ARRB1: variants seen among roughly 807,000 people sequenced by gnomAD.
The protein encoded by ARRB1 is beta-arrestin-1.
In ARRB1, 21 loss-of-function variants were observed where a neutral mutation model predicts 56.8. The ratio of observed to expected loss-of-function variants is 0.37; its 90% CI spans 0.26 to 0.53. The LOEUF (loss-of-function observed/expected upper bound fraction) is 0.53. Ranked by LOEUF, ARRB1 falls within the 20% of genes least tolerant of loss-of-function variation. ARRB1 has a pLI of 0.88. For missense variants in ARRB1, 424 were observed against 553.7 expected (o/e 0.77, Z 2.35); for synonymous variants, 210 against 218.6 (o/e 0.96, Z 0.35).
intron 1 of ARRB1, among the ~76,000 whole-genome samples, chr11:75,324,921 C>A (rs1478364377): frequency 6.6e-6 from 1 of 151,872 alleles, no homozygotes; most frequent in Non-Finnish European, 1.5e-5. Flanking sequence ...GGGAAGCCAG[C>A]ACATGGGGAC....
chr11:75,311,440 G>A (rs1947155659), intron 1 of ARRB1, among the ~76,000 whole-genome samples: 1 of 152,246 alleles, frequency 6.6e-6, no homozygotes, highest in South Asian at 2.1e-4. Context: ...GAAAGTTGCA[G>A]AGAGCAGGTG....
intron 1 of ARRB1, among the ~76,000 whole-genome samples, chr11:75,313,077 G>T (rs1344683654): frequency 6.6e-6 from 1 of 152,196 alleles, no homozygotes; most frequent in Non-Finnish European, 1.5e-5. Flanking sequence ...CTCAGGCCAG[G>T]TGTGGTGGCT....
intron 7 of ARRB1, 85 bp downstream of exon 7, chr11:75,280,990 T>C (rs1435521790): frequency 3.2e-5 from 47 of 1,449,516 alleles, no homozygotes; most frequent in Non-Finnish European, 4.2e-5. Flanking sequence ...CTTCCAGGTA[T>C]TGTTACTTAT....
chr11:75,341,967 C>T (rs1424166490), intron 1 of ARRB1, among the ~76,000 whole-genome samples: 1 of 152,190 alleles, frequency 6.6e-6, no homozygotes, highest in Admixed American at 6.5e-5. Context: ...CTGCTGCTCA[C>T]GCCCTCTCCC....
chr11:75,287,660 GC>G (rs1946512954), intron 2 of ARRB1, among the ~76,000 whole-genome samples: 1 of 152,240 alleles, frequency 6.6e-6, no homozygotes, highest in Non-Finnish European at 1.5e-5. Flanking sequence ...TTCATGCCAA[GC>G]ACCACTGCCA....
At chr11:75,266,569 G>T (rs1945919919) in intron 15 of ARRB1, among the ~76,000 whole-genome samples, 1 of 152,176 alleles carries the variant, frequency 6.6e-6, no homozygotes. Context: ...AAGTAACCTG[G>T]TTCTTTAGGA....
chr11:75,335,973 C>T (rs529958895), intron 1 of ARRB1, among the ~76,000 whole-genome samples: 3 of 152,282 alleles, frequency 2.0e-5, no homozygotes, highest in East Asian at 3.9e-4. Context: ...GCTTTCCACA[C>T]GTGACAACTC....
Position 75,272,897 on chromosome 11 carries a change from G to A in ARRB1, c.996C>T (p.Gly332=), listed in dbSNP as rs760841656. The part of the protein sequence containing the change: ...KVKVKLVVSR[G]GLLGDLASSD... ...TTGGGCTTGGCTGGAGCACTCACCC[G>A]CCCCGAGACACCACCAGCTTCACTT... The change falls in exon 12 of 16, where the codon GGC becomes GGT. Residue 332 remains glycine (G), a splice_region_variant and synonymous_variant. Coordinates refer to ENST00000420843, the MANE Select transcript of ARRB1 (RefSeq NM_004041.5). 9.9e-6 allele frequency: 16 copies of A among 1,613,766 alleles called. 1 individual carries two copies. The Admixed American group carries it at 1.0e-4, about 10-fold the overall frequency.
rs1945861459 is a variant in ARRB1, at chr11:75,264,268, G to T, written c.*1895C>A. 6.6e-6 allele frequency: 1 copy of T among 152,242 alleles called. No homozygotes were observed. Among genetic ancestry groups the T allele is most frequent in the African/African-American group, 2.4e-5 (1 of 41,452 alleles). The allele number at this position is 152,242 out of a possible 1,614,324, so 9.4% of individuals were successfully genotyped here. A position where few individuals can be genotyped will look rare whatever the true frequency, so the allele number is the denominator to read the frequency against. Reference sequence around the variant, plus strand: ...TAAGTCACACTGCCTGCCCCAGGAGGTGCTGGACTGGAAAGGATTGAGATG... The same window carrying T: ...TAAGTCACACTGCCTGCCCCAGGAGTTGCTGGACTGGAAAGGATTGAGATG... On this transcript the variant is annotated 3_prime_UTR_variant, in exon 16 of 16. Coordinates refer to ENST00000420843, the MANE Select transcript of ARRB1 (RefSeq NM_004041.5).
rs368013804 is a variant in ARRB1, at chr11:75,267,692, C to T, written c.1105G>A (p.Glu369Lys). Residue 369 changes from glutamate (E) to lysine (K), a missense_variant, in exon 15 of 16, where the codon GAG becomes AAG. Glu to Lys is a moderately conservative substitution (Grantham distance 56). Around this residue, in one of 3 missense-constraint regions of ARRB1, gnomAD observed 121 missense variants for 147.3 expected, o/e 0.82. Coordinates refer to ENST00000420843, the MANE Select transcript of ARRB1 (RefSeq NM_004041.5). Reference sequence around the variant, plus strand: ...ATGAGATTGGTATCTACTGGCGTCTCGTTCTCTGGAACTAAACACAGGGTG... The same window carrying T: ...ATGAGATTGGTATCTACTGGCGTCTTGTTCTCTGGAACTAAACACAGGGTG... The part of the protein sequence containing the change: ...EPPHREVPEN[E>K]TPVDTNLIEL... 7.3e-6 allele frequency: 8 copies of T among 1,095,680 alleles called. No individual in the cohort carries two copies. In the Admixed American group the frequency reaches 1.1e-4, roughly 16 times the overall value. The allele number at this position is 1,095,680 out of a possible 1,614,324, so 67.9% of individuals were successfully genotyped here.
At chr11:75,327,188 G>C (rs1224712001) in intron 1 of ARRB1, among the ~76,000 whole-genome samples, 2 of 150,500 alleles carry the variant, frequency 1.3e-5, no homozygotes, top group Non-Finnish European at 3.0e-5. Context: ...TGTAGTCCCA[G>C]CTACTCGGGA....
intron 1 of ARRB1, among the ~76,000 whole-genome samples, chr11:75,326,302 G>T (rs535385472): frequency 4.7e-4 from 71 of 152,210 alleles, no homozygotes; most frequent in Non-Finnish European, 8.2e-4. Flanking sequence ...CACAGCGTGG[G>T]TGTGCAGTAA....
chr11:75,319,528 T>C (rs543364096), intron 1 of ARRB1, among the ~76,000 whole-genome samples: 12 of 152,320 alleles, frequency 7.9e-5, no homozygotes, highest in East Asian at 3.9e-4. Context: ...CAAAATGCAG[T>C]TGGGCTCTGG....
At chr11:75,327,879 G>A (rs1277528718) in intron 1 of ARRB1, among the ~76,000 whole-genome samples, 2 of 152,172 alleles carry the variant, frequency 1.3e-5, no homozygotes, top group Admixed American at 6.5e-5. Flanking sequence ...GAGCCATTGC[G>A]CCTGGGTGAG....
intron 8 of ARRB1, 114 bp from the exon 9 acceptor site, chr11:75,277,562 C>A (rs1946229098): frequency 2.2e-6 from 2 of 909,600 alleles, no homozygotes; most frequent in Non-Finnish European, 1.8e-6. Flanking sequence ...CTTGCGCAGA[C>A]CTTCAGAAGG....
At chr11:75,275,945 C>T (rs778348754) in intron 10 of ARRB1, among the ~76,000 whole-genome samples, 1 of 152,180 alleles carries the variant, frequency 6.6e-6, no homozygotes, top group Non-Finnish European at 1.5e-5. Flanking sequence ...CTTCACTTTA[C>T]CATCAGGAAT....
chr11:75,347,300 C>T (rs928258804), intron 1 of ARRB1, among the ~76,000 whole-genome samples: 2 of 152,260 alleles, frequency 1.3e-5, no homozygotes, highest in Non-Finnish European at 2.9e-5. Flanking sequence ...AGCCACAGGA[C>T]TTCCCCATGT....
Position 75,320,621 on chromosome 11 carries a change from A to G in ARRB1, c.21-30582T>C, listed in dbSNP as rs565564694. ...AGGAGGAAGAGGCCATGGGCTCCAC[A>G]TGGTAACTCCGATTCCTCCTTCGAG... On this transcript the variant is annotated intron_variant, in intron 1 of 15. Transcript: ENST00000420843. 3.2e-4 allele frequency among the ~76,000 whole-genome samples: 49 copies of G among 152,266 alleles called. 1 individual carries two copies. The highest frequency in any genetic ancestry group is 2.1e-3 in the South Asian group (10 of 4,824).
intron 12 of ARRB1, among the ~76,000 whole-genome samples, chr11:75,272,383 C>T (rs918737282): frequency 6.6e-6 from 1 of 152,206 alleles, no homozygotes; most frequent in African/African-American, 2.4e-5. Context: ...GAGGAGATTT[C>T]AGGCAATGTT....
Sources: allele counts gnomAD v4.1 joint callset (sites outside exome capture counted in the v4.1 genomes callset), GRCh38; gene constraint gnomAD v4.1.1; regional missense constraint gnomAD v4.1.1; transcripts MANE v1.5; gene names NCBI Gene and HGNC (gene_info 2026-07-23, HGNC 2026-07-21).